CALD1: variants seen among roughly 807,000 people sequenced by gnomAD.
CALD1 encodes caldesmon.
In CALD1, 33 loss-of-function variants were observed where a neutral mutation model predicts 99.9. The observed-to-expected ratio is 0.33, with a 90% CI of 0.25 to 0.44. The LOEUF (loss-of-function observed/expected upper bound fraction) is 0.44, where lower values mean the gene tolerates loss of function less well. Ranked by LOEUF, CALD1 falls within the 20% of genes least tolerant of loss-of-function variation. CALD1 has a pLI of 1.00. For missense variants in CALD1, 861 were observed against 962.1 expected, an observed-to-expected ratio of 0.89 and a Z score of 1.39; for synonymous variants, 310 against 325.0, an observed-to-expected ratio of 0.95 and a Z score of 0.50.
At chr7:134,927,547 GTC>G (rs1455336650) in intron 3 of CALD1, among the ~76,000 whole-genome samples, 2 of 79,128 alleles carry the variant, frequency 2.5e-5, no homozygotes, top group Non-Finnish European at 2.2e-5. Flanking sequence ...GTTAGACTGT[GTC>G]TCAAAAAAAA....
At chr7:134,902,237 C>A (rs1478965698) in intron 3 of CALD1, among the ~76,000 whole-genome samples, 1 of 152,098 alleles carries the variant, frequency 6.6e-6, no homozygotes, top group Non-Finnish European at 1.5e-5. Flanking sequence ...TTTAACCCCA[C>A]TGAGTGAAAG....
intron 1 of CALD1, among the ~76,000 whole-genome samples, chr7:134,831,890 G>A (rs2132078697): frequency 6.6e-6 from 1 of 152,276 alleles, no homozygotes; most frequent in South Asian, 2.1e-4. Flanking sequence ...GAGCAAGAGT[G>A]GAAGTTTATT....
rs368264586 is a variant in CALD1 at position 134,911,617 on chromosome 7, C to G, written c.72-17137C>G. ...GTATATGACACTAAAACTTTTAAGTCTTGGAGTATTTGGCCTTTCCATGTT... is the reference window on the plus strand; with the variant it reads ...GTATATGACACTAAAACTTTTAAGTGTTGGAGTATTTGGCCTTTCCATGTT... On this transcript the variant is annotated intron_variant, in intron 3 of 14. Coordinates refer to ENST00000361675, the MANE Select transcript of CALD1 (RefSeq NM_033138.4). Among the ~76,000 whole-genome samples, 8 of 152,218 alleles carry G rather than the reference C, an allele frequency of 5.3e-5. No individual in the cohort carries two copies. In the South Asian group the frequency reaches 1.7e-3, roughly 32 times the overall value.
intron 14 of CALD1, among the ~76,000 whole-genome samples, chr7:134,965,793 C>T (rs3823571): frequency 0.64 from 96,745 of 150,204 alleles, 31,347 homozygotes; most frequent in Middle Eastern, 0.76. Flanking sequence ...TTTTAGATTA[C>T]ATTGCCACTG....
chr7:134,753,804 C>T (rs935100643), intron 1 of CALD1, among the ~76,000 whole-genome samples: 50 of 152,174 alleles, frequency 3.3e-4, no homozygotes, highest in African/African-American at 1.2e-3. Flanking sequence ...TATAATTTAA[C>T]GCTTCTGATA....
intron 3 of CALD1, among the ~76,000 whole-genome samples, chr7:134,912,336 C>T (rs1803875651): frequency 1.3e-5 from 2 of 152,136 alleles, no homozygotes; most frequent in Admixed American, 1.3e-4. Context: ...AATGGATTTA[C>T]CAGTGGTAAA....
intron 1 of CALD1, among the ~76,000 whole-genome samples, chr7:134,745,875 C>T (rs999317422): frequency 3.9e-5 from 6 of 152,166 alleles, no homozygotes; most frequent in Admixed American, 3.3e-4. Flanking sequence ...TGCTGAGCAT[C>T]CCAGAGTTTT....
intron 11 of CALD1, among the ~76,000 whole-genome samples, chr7:134,958,872 A>AATATATATATATATAT (rs58837080): frequency 8.8e-5 from 11 of 124,862 alleles, no homozygotes; most frequent in South Asian, 2.7e-4. Flanking sequence ...CTGGTATTTA[A>AATATATATATATATAT]ATATATATAT....
chr7:134,772,236 G>A (rs1796883527), intron 1 of CALD1, among the ~76,000 whole-genome samples: 2 of 151,820 alleles, frequency 1.3e-5, no homozygotes, highest in Non-Finnish European at 2.9e-5. Flanking sequence ...TGGGACTACA[G>A]GTGTGCACCA....
upstream of CALD1, among the ~76,000 whole-genome samples, chr7:134,740,293 A>G (rs1796582022): frequency 6.6e-6 from 1 of 152,100 alleles, no homozygotes; most frequent in Non-Finnish European, 1.5e-5. Context: ...ACAAGTCTGG[A>G]GGGGATTAAA....
chr7:134,912,814 C>T (rs1195636482), intron 3 of CALD1, among the ~76,000 whole-genome samples: 1 of 152,166 alleles, frequency 6.6e-6, no homozygotes, highest in African/African-American at 2.4e-5. Flanking sequence ...ACTGGAACAA[C>T]TGATTGACAT....
chr7:134,835,585 T>C (rs1199082702), intron 1 of CALD1, among the ~76,000 whole-genome samples: 1 of 152,224 alleles, frequency 6.6e-6, no homozygotes, highest in Non-Finnish European at 1.5e-5. Context: ...AATGAATTTA[T>C]TACATCAATA....
chr7:134,801,785 ATTCGTGTAT>A (rs58929863), intron 1 of CALD1, among the ~76,000 whole-genome samples: 46,938 of 151,592 alleles, frequency 0.31, 7,550 homozygotes, highest in African/African-American at 0.37. Flanking sequence ...CGCCTGCTAA[ATTCGTGTAT>A]TTTTTTAAAA....
intron 1 of CALD1, among the ~76,000 whole-genome samples, chr7:134,808,294 G>C (rs1254932154): frequency 6.6e-6 from 1 of 151,428 alleles, no homozygotes; most frequent in Non-Finnish European, 1.5e-5. Flanking sequence ...TTTTTGTAGA[G>C]ACAACGTCTC....
chr7:134,729,311 G>T, the CALD1 span, among the ~76,000 whole-genome samples: 1 of 152,230 alleles, frequency 6.6e-6, no homozygotes, highest in Non-Finnish European at 1.5e-5. Flanking sequence ...GATGAGGAAA[G>T]TAAGGGACAG....
At chr7:134,847,738 C>T (rs1299843617) in intron 2 of CALD1, among the ~76,000 whole-genome samples, 1 of 152,206 alleles carries the variant, frequency 6.6e-6, no homozygotes, top group East Asian at 1.9e-4. Context: ...ACCTTTCTGC[C>T]TGGCATGACC....
intron 3 of CALD1, among the ~76,000 whole-genome samples, chr7:134,870,802 G>C (rs1801037119): frequency 6.6e-6 from 1 of 150,542 alleles, no homozygotes; most frequent in Admixed American, 6.6e-5. Context: ...CTTGTACTAA[G>C]TTTACCTTTC....
chr7:134,717,925 G>A, the CALD1 span, among the ~76,000 whole-genome samples: 7 of 152,118 alleles, frequency 4.6e-5, no homozygotes, highest in Non-Finnish European at 7.4e-5. Flanking sequence ...AAAACAAAGA[G>A]AAAATGCTAG....
intron 6 of CALD1, among the ~76,000 whole-genome samples, chr7:134,940,368 C>G (rs1334195357): frequency 6.6e-6 from 1 of 152,186 alleles, no homozygotes; most frequent in African/African-American, 2.4e-5. Context: ...CTTCCTATGT[C>G]TCCCACCACA....
Sources: gnomAD v4.1 joint callset for allele counts (sites outside exome capture counted in the v4.1 genomes callset) on GRCh38, gnomAD v4.1.1 for gene constraint, MANE v1.5 for transcripts, NCBI Gene and HGNC (gene_info 2026-07-23, HGNC 2026-07-21) for gene names.